Variants in ADA2 observed in about 807,000 individuals in gnomAD.
ADA2 encodes adenosine deaminase CECR1.
In ADA2, 29 loss-of-function variants were observed where a neutral mutation model predicts 44.2. That is an observed-to-expected ratio of 0.66 (90% CI 0.49 to 0.89). The LOEUF (loss-of-function observed/expected upper bound fraction) is 0.89, where lower values mean the gene tolerates loss of function less well. ADA2 is among the 40% of genes least tolerant of loss of function. The pLI is 0.00. For synonymous variants in ADA2, 215 were observed against 234.9 expected (o/e 0.92, Z 0.77); for missense variants, 637 against 644.8 (o/e 0.99, Z 0.13).
intron 4 of ADA2, chr22:17,192,905 A>G (rs1396764984): frequency 9.3e-6 from 5 of 537,826 alleles, no homozygotes; most frequent in Non-Finnish European, 1.7e-5. Context: ...CTTTGGCATC[A>G]TGGCCACCCT....
chr22:17,199,423 T>TCCCCTCCTCAATCCTCTTCCCCACCCA, intron 4 of ADA2: 1 of 902,826 alleles, frequency 1.1e-6, no homozygotes. Flanking sequence ...GTCTCCTCCC[T>TCCCCTCCTCAATCCTCTTCCCCACCCA]CCCCTCCTCT....
In ADA2 at chr22:17,198,093, G is replaced by A. The variant is rs1214704039; in HGVS notation, c.753+5470C>T. ...ACTCAGTACCCCTGCATAATTAGTG[G>A]GGCTGGAGGCCGACCACATTTCAGA... On this transcript the variant is annotated intron_variant, in intron 4 of 9. Transcript: ENST00000399837. Among the ~76,000 whole-genome samples, 4 of 152,064 alleles carry A rather than the reference G, an allele frequency of 2.6e-5. No individual in the cohort carries two copies. The East Asian group carries it at 7.7e-4, about 29-fold the overall frequency.
At position 17,181,554 on chromosome 22, in the gene ADA2, C is replaced by T. The variant is rs45497794; in HGVS notation, c.1465G>A (p.Glu489Lys). 6.2e-6 allele frequency: 10 copies of T among 1,612,516 alleles called. No homozygotes were observed. The highest frequency in any genetic ancestry group is 1.1e-5 in the South Asian group (1 of 91,012). The change falls in exon 10 of 10, where the codon GAG (glutamate) becomes AAG (lysine). Residue 489 changes from glutamate (E) to lysine (K), a missense_variant. Glu to Lys is a moderately conservative substitution (Grantham distance 56). Coordinates refer to ENST00000399837, the MANE Select transcript of ADA2 (RefSeq NM_001282225.2). ...CAGATTTCCATGAAAGTATTTTTCTCACTCTCCAACAGGGTACTGTACCTG... is the reference window on the plus strand; with the variant it reads ...CAGATTTCCATGAAAGTATTTTTCTTACTCTCCAACAGGGTACTGTACCTG... ...SIKYSTLLESEKNTFMEIWKK... is the reference protein window; with the variant it reads ...SIKYSTLLESKKNTFMEIWKK...
chr22:17,202,492 C>T (rs1036903257), intron 4 of ADA2, among the ~76,000 whole-genome samples: 1 of 152,126 alleles, frequency 6.6e-6, no homozygotes, highest in Non-Finnish European at 1.5e-5. Context: ...GTTTCAAACT[C>T]CTGGCCTCAA....
chr22:17,201,157 C>T (rs1186801719), intron 4 of ADA2, among the ~76,000 whole-genome samples: 1 of 149,472 alleles, frequency 6.7e-6, no homozygotes, highest in African/African-American at 2.5e-5. Flanking sequence ...TGCAGTGAGG[C>T]AAGATCATAC....
At chr22:17,200,064 G>A (rs1280906475) in intron 4 of ADA2, among the ~76,000 whole-genome samples, 1 of 152,106 alleles carries the variant, frequency 6.6e-6, no homozygotes. Context: ...GTGCGGTGGT[G>A]TACACCTGTA....
rs556901117 is a variant in ADA2 at position 17,204,308 on chromosome 22, A to T, written c.543-535T>A. Among the ~76,000 whole-genome samples, 278 of 152,238 alleles carry T rather than the reference A, an allele frequency of 1.8e-3. 1 individual carries two copies. Among genetic ancestry groups the T allele is most frequent in the Middle Eastern group, 6.8e-3 (2 of 294 alleles). On this transcript the variant is annotated intron_variant, in intron 3 of 9. Coordinates refer to ENST00000399837, the MANE Select transcript of ADA2 (RefSeq NM_001282225.2). ...TGTAAGGATGGGGCTCTACCCTAATAAGATGGGTGTCCTTGTAAGAAGAGG... is the reference window on the plus strand; with the variant it reads ...TGTAAGGATGGGGCTCTACCCTAATTAGATGGGTGTCCTTGTAAGAAGAGG...
chr22:17,197,747 A>G (rs2062210729), intron 4 of ADA2, among the ~76,000 whole-genome samples: 1 of 152,216 alleles, frequency 6.6e-6, no homozygotes, highest in African/African-American at 2.4e-5. Context: ...AGGCTTTAAA[A>G]GTTTGAGAAG....
intron 3 of ADA2, among the ~76,000 whole-genome samples, chr22:17,206,146 A>G (rs1171064048): frequency 6.6e-6 from 1 of 152,102 alleles, no homozygotes; most frequent in Non-Finnish European, 1.5e-5. Context: ...CATCAGACAA[A>G]TCTCATTTGC....
intron 4 of ADA2, chr22:17,199,446 T>TCCCACCCCTCCTCTATCCTCATCCCCA: frequency 1.1e-6 from 1 of 917,620 alleles, no homozygotes; most frequent in Non-Finnish European, 1.7e-6. Flanking sequence ...CCTCTTCCCC[T>TCCCACCCCTCCTCTATCCTCATCCCCA]CCACCCACGA....
Position 17,207,261 on chromosome 22 carries a change from T to C in ADA2, c.352A>G (p.Ile118Val). 6.2e-7 allele frequency: 1 copy of C among 1,609,824 alleles called. No individual in the cohort carries two copies. The highest frequency in any genetic ancestry group is 8.5e-7 in the Non-Finnish European group (1 of 1,176,540). The change falls in exon 3 of 10, where the codon ATC (isoleucine) becomes GTC (valine). Residue 118 changes from isoleucine to valine, a missense_variant. Transcript: ENST00000399837. Reference sequence around the variant, plus strand: ...CTCACCAGCCAGTCCATAGTCACGATGCCAATGTCATGGAGGTGCAAGGCA... The same window carrying C: ...CTCACCAGCCAGTCCATAGTCACGACGCCAATGTCATGGAGGTGCAAGGCA... ...GAALHLHDIG[I>V]VTMDWLVRNV... is the part of the protein sequence containing the mutation.
At chr22:17,206,316 G>A (rs1411196805) in intron 3 of ADA2, among the ~76,000 whole-genome samples, 1 of 152,050 alleles carries the variant, frequency 6.6e-6, no homozygotes, top group African/African-American at 2.4e-5. Context: ...AATTAGCCAG[G>A]CATGGTGGCA....
At chr22:17,217,430 T>A (rs1488598270) in intron 1 of ADA2, among the ~76,000 whole-genome samples, 1 of 152,160 alleles carries the variant, frequency 6.6e-6, no homozygotes, top group Admixed American at 6.5e-5. Flanking sequence ...GAGCAGCCAG[T>A]TCAGGGTGGC....
chr22:17,214,529 C>T (rs2062450820), intron 1 of ADA2, among the ~76,000 whole-genome samples: 1 of 152,220 alleles, frequency 6.6e-6, no homozygotes, highest in Non-Finnish European at 1.5e-5. Context: ...AGATGGACTC[C>T]AGAGGATAAG....
chr22:17,191,339 G>A (rs532573891), intron 5 of ADA2, among the ~76,000 whole-genome samples: 3 of 152,144 alleles, frequency 2.0e-5, no homozygotes, highest in Non-Finnish European at 2.9e-5. Context: ...AACCAAAAAC[G>A]GGCCAATTAT....
rs776208085 is a variant in ADA2 at position 17,181,455 on chromosome 22, A to G, written c.*28T>C. 9 of 1,441,860 alleles carry G rather than the reference A, an allele frequency of 6.2e-6. No individual in the cohort carries two copies. The East Asian group carries it at 2.0e-4, about 33-fold the overall frequency. 89.3% of individuals were successfully genotyped at this position (1,441,860 alleles called of 1,614,324 possible). A position where few individuals can be genotyped will look rare whatever the true frequency, so the allele number is the denominator to read the frequency against. On this transcript the variant is annotated 3_prime_UTR_variant, in exon 10 of 10. Transcript: ENST00000399837. ...GAAGTGACAGCGTGTGCAAGAAGAC[A>G]GCTTGTAGAGGGCTGGCTAGCTTCT...
At position 17,203,600 on chromosome 22, in the gene ADA2, T is replaced by C; in HGVS notation, c.716A>G (p.Asn239Ser). Residue 239 changes from asparagine (N) to serine (S), a missense_variant, in exon 4 of 10, where the codon AAC (asparagine) becomes AGC (serine). Transcript: ENST00000399837. ...GGCTCTGATCTCCATGTAGAGCACG[T>C]TGTCCTCGTAGAACTCCTGCATGCT... ...FRSMQEFYED[N>S]VLYMEIRARL... 6.2e-7 allele frequency: 1 copy of C among 1,613,224 alleles called. No individual in the cohort carries two copies. The highest frequency in any genetic ancestry group is 8.5e-7 in the Non-Finnish European group (1 of 1,180,008).
rs146597836 is a variant in ADA2, at chr22:17,189,987, C to T, written c.927G>A (p.Met309Ile). The T allele has an allele frequency of 1.5e-3, 2,497 of 1,614,082 alleles. 4 individuals are homozygous for T. The highest frequency in any genetic ancestry group is 0.012 in the Middle Eastern group (72 of 6,060). Residue 309 changes from methionine (M) to isoleucine (I), a missense_variant, in exon 6 of 10, where the codon ATG (methionine) becomes ATA (isoleucine). By Grantham distance (10) the Met-to-Ile change is conservative. Transcript: ENST00000399837. Reference protein sequence around the residue: ...AVIAESIRMAMGLRIKFPTVV... With the variant: ...AVIAESIRMAIGLRIKFPTVV... ...CCGTGGGGAACTTGATTCGGAGCCCCATGGCCATTCGGATGGATTCTGCGA... is the reference window on the plus strand; with the variant it reads ...CCGTGGGGAACTTGATTCGGAGCCCTATGGCCATTCGGATGGATTCTGCGA...
chr22:17,192,157 C>T (rs1314256866), intron 4 of ADA2, among the ~76,000 whole-genome samples: 1 of 152,124 alleles, frequency 6.6e-6, no homozygotes, highest in Admixed American at 6.6e-5. Context: ...AGGTCCTCTA[C>T]GGCCTTGGGC....
Sources: allele counts gnomAD v4.1 joint callset (sites outside exome capture counted in the v4.1 genomes callset), GRCh38; gene constraint gnomAD v4.1.1; transcripts MANE v1.5; gene names NCBI Gene and HGNC (gene_info 2026-07-23, HGNC 2026-07-21).